The following ZNF438 variants were observed in gnomAD, a reference collection of about 807,000 sequenced individuals.
ZNF438 encodes zinc finger protein 438.
In ZNF438, 25 loss-of-function variants were observed where a neutral mutation model predicts 38.0. The observed-to-expected ratio is 0.66, with a 90% confidence interval of 0.48 to 0.92. The LOEUF is 0.92. Ranked by LOEUF, ZNF438 falls within the 40% of genes least tolerant of loss-of-function variation. The pLI, the probability that ZNF438 is intolerant of heterozygous loss-of-function variation, is 0.00. For synonymous variants in ZNF438, 372 were observed against 364.1 expected (o/e 1.02, Z -0.25); for missense variants, 1,007 against 999.6 (o/e 1.01, Z -0.10).
At chr10:30,975,835 AG>A (rs1277554654) in intron 1 of ZNF438, among the ~76,000 whole-genome samples, 12 of 152,298 alleles carry the variant, frequency 7.9e-5, no homozygotes, top group African/African-American at 2.6e-4. Context: ...GTGACAACTT[AG>A]GGTTTTCATA....
At chr10:30,957,998 G>A (rs1285057343) in intron 1 of ZNF438, among the ~76,000 whole-genome samples, 2 of 146,812 alleles carry the variant, frequency 1.4e-5, no homozygotes, top group African/African-American at 4.9e-5. Flanking sequence ...GAAATGCTTT[G>A]TAGTATAATT....
chr10:30,880,040 GAA>G (rs912211489), intron 3 of ZNF438, among the ~76,000 whole-genome samples: 2 of 147,362 alleles, frequency 1.4e-5, no homozygotes, highest in South Asian at 4.3e-4. Context: ...CAAAACTGGT[GAA>G]AAAAAAAAGT....
At chr10:30,984,752 AG>A (rs2052587030) in intron 1 of ZNF438, among the ~76,000 whole-genome samples, 1 of 152,260 alleles carries the variant, frequency 6.6e-6, no homozygotes, top group African/African-American at 2.4e-5. Context: ...ATTAGTAAAC[AG>A]TCACAAACAA....
chr10:30,932,790 C>A (rs1341721822), intron 2 of ZNF438, among the ~76,000 whole-genome samples: 1 of 152,136 alleles, frequency 6.6e-6, no homozygotes, highest in Non-Finnish European at 1.5e-5. Context: ...TGAGTTCATA[C>A]CAGGTTAGGG....
At chr10:30,955,910 T>C (rs2048816396) in intron 1 of ZNF438, among the ~76,000 whole-genome samples, 2 of 152,224 alleles carry the variant, frequency 1.3e-5, no homozygotes, top group Admixed American at 1.3e-4. Flanking sequence ...CCTAGTGATT[T>C]TGCAGAAGCA....
chr10:30,918,136 G>A (rs1056318975), intron 2 of ZNF438, among the ~76,000 whole-genome samples: 12 of 152,130 alleles, frequency 7.9e-5, no homozygotes, highest in African/African-American at 2.6e-4. Context: ...CTGTTCAATT[G>A]CATTAATTTA....
At chr10:30,994,028 G>A (rs1251743088) in intron 1 of ZNF438, among the ~76,000 whole-genome samples, 5 of 152,128 alleles carry the variant, frequency 3.3e-5, no homozygotes, top group Non-Finnish European at 7.4e-5. Flanking sequence ...TCTGTCCTAC[G>A]CCTGCTCCAC....
chr10:31,017,572 T>A (rs35589090), intron 1 of ZNF438, among the ~76,000 whole-genome samples: 1 of 152,214 alleles, frequency 6.6e-6, no homozygotes, highest in Non-Finnish European at 1.5e-5. Flanking sequence ...AAGGATTTAA[T>A]CTGGTCATAG....
intron 3 of ZNF438, among the ~76,000 whole-genome samples, chr10:30,896,431 T>C (rs114046268): frequency 6.6e-6 from 1 of 151,924 alleles, no homozygotes; most frequent in Non-Finnish European, 1.5e-5. Flanking sequence ...GATAGATGGA[T>C]CAACAAAATG....
chr10:30,849,959 G>C (rs2033243853), exon 5 of ZNF438: 1 of 1,614,062 alleles, frequency 6.2e-7, no homozygotes, highest in African/African-American at 1.3e-5. Context: ...TTGGGCAGGA[G>C]CTTTGCTACA....
At chr10:30,862,451 C>T (rs1379144718) in intron 4 of ZNF438, among the ~76,000 whole-genome samples, 1 of 152,118 alleles carries the variant, frequency 6.6e-6, no homozygotes, top group African/African-American at 2.4e-5. Context: ...AACACATGCA[C>T]ACCACCCTGT....
intron 3 of ZNF438, among the ~76,000 whole-genome samples, chr10:30,880,662 C>T (rs937186623): frequency 6.6e-6 from 1 of 152,024 alleles, no homozygotes; most frequent in African/African-American, 2.4e-5. Flanking sequence ...GCCGGATTAT[C>T]TAGATATCAA....
At chr10:31,004,583 A>T (rs766137917) in intron 1 of ZNF438, among the ~76,000 whole-genome samples, 23 of 152,240 alleles carry the variant, frequency 1.5e-4, no homozygotes, top group Non-Finnish European at 3.2e-4. Context: ...GGAGTGAGAT[A>T]ATAGACACGT....
chr10:30,893,538 A>G (rs998313080), intron 3 of ZNF438, among the ~76,000 whole-genome samples: 2 of 152,258 alleles, frequency 1.3e-5, no homozygotes, highest in Non-Finnish European at 2.9e-5. Context: ...ACATTGTTAC[A>G]TATTTGAAAA....
intron 1 of ZNF438, among the ~76,000 whole-genome samples, chr10:31,011,196 G>T (rs952732166): frequency 2.0e-5 from 3 of 152,184 alleles, no homozygotes; most frequent in African/African-American, 7.2e-5. Context: ...CCAGGGATGA[G>T]CTGCTGCAAA....
At chr10:30,888,401 A>C (rs915602338) in intron 3 of ZNF438, among the ~76,000 whole-genome samples, 1 of 141,930 alleles carries the variant, frequency 7.0e-6, no homozygotes, top group African/African-American at 2.7e-5. Flanking sequence ...TCAGGAGTAC[A>C]TGTGCGAGTT....
intron 4 of ZNF438, among the ~76,000 whole-genome samples, chr10:30,859,621 TG>T (rs1270379250): frequency 1.3e-5 from 2 of 152,198 alleles, no homozygotes; most frequent in Non-Finnish European, 2.9e-5. Flanking sequence ...TGTGCCTAAA[TG>T]TTAGGATCTA....
At chr10:30,857,047 G>A (rs1187254958) in intron 4 of ZNF438, among the ~76,000 whole-genome samples, 1 of 152,088 alleles carries the variant, frequency 6.6e-6, no homozygotes, top group Non-Finnish European at 1.5e-5. Flanking sequence ...AATGAGGTTT[G>A]AGGAAGTTAA....
intron 3 of ZNF438, among the ~76,000 whole-genome samples, chr10:30,887,845 A>G (rs1445482814): frequency 6.6e-6 from 1 of 152,216 alleles, no homozygotes; most frequent in East Asian, 1.9e-4. Flanking sequence ...ACCCTCACCT[A>G]TGGCCCCAGG....
Sources: gnomAD v4.1 joint callset for allele counts (sites outside exome capture counted in the v4.1 genomes callset) on GRCh38, gnomAD v4.1.1 for gene constraint, MANE v1.5 for transcripts, NCBI Gene and HGNC (gene_info 2026-07-23, HGNC 2026-07-21) for gene names.